RYR2: variants seen among roughly 807,000 people sequenced by gnomAD.
RYR2 encodes the protein cardiac muscle ryanodine receptor-calcium release channel.
RYR2 carries 227 observed loss-of-function variants against 601.1 expected under a neutral mutation model. That is an observed-to-expected ratio of 0.38 (90% CI 0.34 to 0.42). RYR2 has a LOEUF of 0.42. Among genes scored for constraint, RYR2 ranks in the 10% least tolerant of loss-of-function variants. The pLI, the probability that RYR2 is intolerant of heterozygous loss-of-function variation, is 1.00. For missense variants in RYR2, 4,646 were observed against 6,156.5 expected (o/e 0.75, Z 8.21); for synonymous variants, 2,223 against 2,175.1 (o/e 1.02, Z -0.61).
At chr1:237,561,337 A>G (rs1671436730) in intron 27 of RYR2, among the ~76,000 whole-genome samples, 1 of 152,220 alleles carries the variant, frequency 6.6e-6, no homozygotes, top group Non-Finnish European at 1.5e-5. Flanking sequence ...TAGGGATGCA[A>G]GTGATCTGTA....
intron 1 of RYR2, among the ~76,000 whole-genome samples, chr1:237,156,105 C>T: frequency 6.6e-6 from 1 of 152,288 alleles, no homozygotes; most frequent in African/African-American, 2.4e-5. Context: ...GTGGCTTGGG[C>T]TCTGTGTTCT....
rs759915070 is a variant in RYR2, at chr1:237,185,456, C to A, written c.49-85041C>A. Among the ~76,000 whole-genome samples the A allele has an allele frequency of 2.0e-5, 3 of 152,132 alleles. No individual in the cohort carries two copies. In the South Asian group the frequency reaches 6.2e-4, roughly 32 times the overall value. ...AAAACAGAACTCATTATCTTTCCTG[C>A]ACGTGCTACTTTGCCTCTCACATTC... On this transcript the variant is annotated intron_variant, in intron 1 of 104. Coordinates refer to ENST00000366574, the MANE Select transcript of RYR2 (RefSeq NM_001035.3).
chr1:237,442,043 C>A (rs575867686), intron 13 of RYR2, among the ~76,000 whole-genome samples: 2 of 152,286 alleles, frequency 1.3e-5, no homozygotes, highest in African/African-American at 4.8e-5. Flanking sequence ...ATAAATGTTT[C>A]TTGAATGAAA....
chr1:237,793,205 G>A (rs1451215855), intron 94 of RYR2, among the ~76,000 whole-genome samples: 2 of 152,154 alleles, frequency 1.3e-5, no homozygotes, highest in Non-Finnish European at 2.9e-5. Context: ...GAGTTATTCA[G>A]GAACTCCTTT....
intron 1 of RYR2, among the ~76,000 whole-genome samples, chr1:237,101,543 G>T (rs984930042): frequency 6.6e-6 from 1 of 152,052 alleles, no homozygotes; most frequent in East Asian, 1.9e-4. Context: ...ACACACTCTC[G>T]ATCTTACAAG....
intron 38 of RYR2, among the ~76,000 whole-genome samples, chr1:237,622,035 T>C (rs749044636): frequency 6.6e-6 from 1 of 152,194 alleles, no homozygotes; most frequent in Non-Finnish European, 1.5e-5. Flanking sequence ...ATCGGGAAAC[T>C]GCATAAAGCG....
intron 34 of RYR2, among the ~76,000 whole-genome samples, chr1:237,597,468 G>A (rs1676017097): frequency 6.6e-6 from 1 of 151,720 alleles, no homozygotes; most frequent in Non-Finnish European, 1.5e-5. Flanking sequence ...TTTTAATAGA[G>A]ATGGGGTTTC....
At chr1:237,740,113 T>A (rs1691483816) in intron 79 of RYR2, among the ~76,000 whole-genome samples, 1 of 152,186 alleles carries the variant, frequency 6.6e-6, no homozygotes, top group Admixed American at 6.5e-5. Flanking sequence ...TAATATAACT[T>A]CCCATTTGCT....
chr1:237,500,545 T>C (rs568157759), intron 20 of RYR2, among the ~76,000 whole-genome samples, 166 bp from the exon 21 acceptor site: 2 of 152,362 alleles, frequency 1.3e-5, no homozygotes, highest in Admixed American at 1.3e-4. Flanking sequence ...TTTATTTTTT[T>C]GACAAAGAGT....
intron 1 of RYR2, among the ~76,000 whole-genome samples, chr1:237,178,792 G>A (rs529934159): frequency 2.6e-5 from 4 of 152,132 alleles, no homozygotes; most frequent in South Asian, 2.1e-4. Flanking sequence ...GTGACACAGC[G>A]AGACCCTGTT....
rs530027535 is a variant in RYR2, at chr1:237,713,543, C to T, written c.10323+1706C>T. Among the ~76,000 whole-genome samples, 7 of 152,100 alleles carry T rather than the reference C, an allele frequency of 4.6e-5. No individual in the cohort carries two copies. The South Asian group carries it at 8.3e-4, about 18-fold the overall frequency. On this transcript the variant is annotated intron_variant, in intron 71 of 104. Transcript: ENST00000366574. ...TCCCAAGTAGCTGGGACTATACAGG[C>T]GCATGCCACCATGCCCAGTTAATTT...
At chr1:237,508,521 TA>T (rs1428184213) in intron 23 of RYR2, among the ~76,000 whole-genome samples, 1 of 149,676 alleles carries the variant, frequency 6.7e-6, no homozygotes, top group Non-Finnish European at 1.5e-5. Flanking sequence ...TAATAGCAAA[TA>T]TTTCAACGGG....
chr1:237,725,397 C>G (rs773041350), intron 74 of RYR2, among the ~76,000 whole-genome samples: 2 of 152,038 alleles, frequency 1.3e-5, no homozygotes, highest in Non-Finnish European at 2.9e-5. Flanking sequence ...GAGGAGCGTG[C>G]AAAGAATATT....
At position 237,784,440 on chromosome 1, in the gene RYR2, C is replaced by T. The variant is rs760016667; in HGVS notation, c.12728C>T (p.Ser4243Leu). 3 of 1,613,616 alleles carry T rather than the reference C, an allele frequency of 1.9e-6. No homozygotes were observed. The highest frequency in any genetic ancestry group is 2.5e-6 in the Non-Finnish European group (3 of 1,179,768). Residue 4243 changes from serine to leucine, a missense_variant, in exon 90 of 105, where the codon TCG becomes TTG. This residue lies in a region of RYR2 where 364 missense variants were observed against 442.9 expected (regional missense o/e 0.82). Transcript: ENST00000366574. This position sits in a 1 kb window ranked among gnomAD's most constrained non-coding sequence, Gnocchi z 7.1. ...MAFFSILTVR[S>L]ALFALRYNIL... The stretch of plus-strand genomic sequence containing the variant: ...TTCTTCTCCATTCTGACGGTCAGGT[C>T]GGCCCTGTTTGCGCTCAGGTACAAT...
intron 2 of RYR2, among the ~76,000 whole-genome samples, chr1:237,281,684 G>T (rs1254212220): frequency 6.6e-6 from 1 of 152,222 alleles, no homozygotes. Context: ...GCAGGCATTG[G>T]TAGGCAGTAA....
intron 80 of RYR2, among the ~76,000 whole-genome samples, chr1:237,744,394 G>T (rs936919775): frequency 6.6e-6 from 1 of 151,504 alleles, no homozygotes; most frequent in African/African-American, 2.4e-5. Flanking sequence ...AGAGGCTTAC[G>T]CTTGTAATCC....
chr1:237,351,857 A>AC (rs1698875298), intron 3 of RYR2, among the ~76,000 whole-genome samples: 1 of 140,684 alleles, frequency 7.1e-6, no homozygotes, highest in African/African-American at 2.9e-5. Context: ...GACCATGCAA[A>AC]AAAAAAAAAA....
chr1:237,112,012 C>A (rs1306700265), intron 1 of RYR2, among the ~76,000 whole-genome samples: 1 of 152,160 alleles, frequency 6.6e-6, no homozygotes, highest in Admixed American at 6.5e-5. Flanking sequence ...TGGGTGAGTG[C>A]ACCCTAGTGG....
chr1:237,207,490 G>C (rs68135125), intron 1 of RYR2, among the ~76,000 whole-genome samples: 39,070 of 152,054 alleles, frequency 0.26, 5,265 homozygotes, highest in East Asian at 0.42. Context: ...TGCTTGAACC[G>C]AGGAGGCGGA....
Sources: gnomAD v4.1 joint callset for allele counts (sites outside exome capture counted in the v4.1 genomes callset) on GRCh38, gnomAD v4.1.1 for gene constraint, gnomAD v4.1.1 regional missense constraint, Gnocchi (gnomAD v3.1) non-coding constraint, MANE v1.5 for transcripts, NCBI Gene and HGNC (gene_info 2026-07-23, HGNC 2026-07-21) for gene names.